Variants in FHAD1 observed in about 807,000 individuals in gnomAD.
FHAD1 encodes forkhead associated phosphopeptide binding domain 1, also known as forkhead-associated domain-containing protein 1.
A neutral mutation model predicts 191.3 loss-of-function variants in FHAD1; 146 were observed. The ratio of observed to expected loss-of-function variants is 0.76; its 90% CI spans 0.67 to 0.88. The LOEUF (loss-of-function observed/expected upper bound fraction) is 0.88. Ranked by LOEUF, FHAD1 falls within the 40% of genes least tolerant of loss-of-function variation. The pLI is 0.00. For synonymous variants in FHAD1, 616 were observed against 672.3 expected (o/e 0.92, Z 1.29); for missense variants, 1,635 against 1,785.8 (o/e 0.92, Z 1.52).
At chr1:15,250,565 T>G (rs1017168318) in intron 1 of FHAD1, among the ~76,000 whole-genome samples, 47 of 152,336 alleles carry the variant, frequency 3.1e-4, no homozygotes, top group African/African-American at 1.1e-3. Context: ...TGAGCTATAA[T>G]CTTGATATTT....
intron 5 of FHAD1, among the ~76,000 whole-genome samples, chr1:15,298,368 G>A (rs930023168): frequency 1.3e-5 from 2 of 152,158 alleles, no homozygotes; most frequent in South Asian, 2.1e-4. Context: ...TAGACTTTGG[G>A]GATTTAGGGA....
chr1:15,385,523 C>T (rs537128968), intron 31 of FHAD1, among the ~76,000 whole-genome samples: 6 of 152,310 alleles, frequency 3.9e-5, no homozygotes, highest in African/African-American at 1.4e-4. Flanking sequence ...GGGTAGCTCA[C>T]GTCTGTAATA....
intron 28 of FHAD1, among the ~76,000 whole-genome samples, chr1:15,377,418 C>G (rs1268041399): frequency 6.6e-6 from 1 of 152,184 alleles, no homozygotes; most frequent in Non-Finnish European, 1.5e-5. Context: ...ACAGACTGAC[C>G]CGCTCCCAAG....
chr1:15,302,845 C>G (rs1460903182), intron 6 of FHAD1, among the ~76,000 whole-genome samples: 1 of 152,250 alleles, frequency 6.6e-6, no homozygotes, highest in Non-Finnish European at 1.5e-5. Flanking sequence ...CCTGGGGCCT[C>G]TGTTCGCCGA....
chr1:15,334,925 C>T (rs546068197), intron 14 of FHAD1, among the ~76,000 whole-genome samples: 4 of 152,274 alleles, frequency 2.6e-5, no homozygotes, highest in East Asian at 1.9e-4. Context: ...CCTCGGGTCC[C>T]GGCTGCCAAG....
At chr1:15,261,565 G>A (rs1651074932) in intron 2 of FHAD1, among the ~76,000 whole-genome samples, 1 of 152,122 alleles carries the variant, frequency 6.6e-6, no homozygotes, top group Admixed American at 6.5e-5. Flanking sequence ...GGAGCTCTCA[G>A]AGATACCGCC....
At chr1:15,321,804 T>G (rs950909145) in intron 10 of FHAD1, among the ~76,000 whole-genome samples, 10 of 152,254 alleles carry the variant, frequency 6.6e-5, no homozygotes, top group African/African-American at 2.4e-4. Context: ...TGCACATGTG[T>G]GCATGCATGT....
downstream of FHAD1, among the ~76,000 whole-genome samples, chr1:15,399,481 G>T (rs137899789): frequency 6.6e-6 from 1 of 152,032 alleles, no homozygotes. Flanking sequence ...TGGGAGGATC[G>T]CTTGAGCCCA....
intron 32 of FHAD1, chr1:15,388,432 C>T: frequency 2.5e-6 from 3 of 1,182,866 alleles, no homozygotes; most frequent in Non-Finnish European, 3.2e-6. Flanking sequence ...GGTGAGAAGG[C>T]AGAGGGGATA....
intron 19 of FHAD1, among the ~76,000 whole-genome samples, chr1:15,350,865 T>C (rs751838775): frequency 6.6e-6 from 1 of 151,948 alleles, no homozygotes; most frequent in Non-Finnish European, 1.5e-5. Flanking sequence ...AACAAGCCCA[T>C]GAGGGAAGTG....
intron 14 of FHAD1, among the ~76,000 whole-genome samples, chr1:15,331,528 AT>A (rs1681504354): frequency 1.7e-5 from 2 of 116,056 alleles, no homozygotes; most frequent in African/African-American, 3.2e-5. Context: ...GGATGGATGG[AT>A]GAAAGGATGG....
intron 16 of FHAD1, among the ~76,000 whole-genome samples, chr1:15,344,719 C>G (rs1688171874): frequency 6.6e-6 from 1 of 152,204 alleles, no homozygotes; most frequent in South Asian, 2.1e-4. Flanking sequence ...AAGCCTGTTT[C>G]CTCCTCTGCA....
intron 12 of FHAD1, 133 bp from the exon 13 acceptor site, chr1:15,328,144 G>T: frequency 1.7e-6 from 1 of 595,486 alleles, no homozygotes. Flanking sequence ...GACATATCAG[G>T]ACCTCTGTCC....
intron 1 of FHAD1, among the ~76,000 whole-genome samples, chr1:15,248,155 C>T (rs1192877313): frequency 6.6e-6 from 1 of 151,692 alleles, no homozygotes; most frequent in Non-Finnish European, 1.5e-5. Flanking sequence ...TACTTTTAAG[C>T]ATTGTTTTGT....
intron 10 of FHAD1, among the ~76,000 whole-genome samples, chr1:15,320,313 C>T (rs1007174923): frequency 1.3e-5 from 2 of 152,148 alleles, no homozygotes; most frequent in East Asian, 3.9e-4. Context: ...GAGAAGAATA[C>T]GCATCCTGCA....
chr1:15,367,432 A>T lies in FHAD1; in HGVS notation c.3155-31A>T, dbSNP rs1570321455. 1.9e-6 allele frequency: 3 copies of T among 1,543,322 alleles called. No homozygotes were observed. The East Asian group carries it at 7.4e-5, about 38-fold the overall frequency. ...AATCACTTGAACCCGGGAGGCAGAGACCCCCTTACCGGCCCTCCTGTCACT... is the reference window on the plus strand; with the variant it reads ...AATCACTTGAACCCGGGAGGCAGAGTCCCCCTTACCGGCCCTCCTGTCACT... On this transcript the variant is annotated intron_variant, in intron 24 of 33. Coordinates refer to ENST00000688493, the MANE Select transcript of FHAD1 (RefSeq NM_001391957.1).
chr1:15,331,649 A>G (rs376545851), intron 14 of FHAD1, among the ~76,000 whole-genome samples: 7 of 148,658 alleles, frequency 4.7e-5, no homozygotes, highest in South Asian at 4.4e-4. Flanking sequence ...GAAGGCAGGA[A>G]GGAAGGCAGG....
intron 2 of FHAD1, among the ~76,000 whole-genome samples, chr1:15,267,117 C>T (rs563615706): frequency 6.6e-6 from 1 of 152,314 alleles, no homozygotes; most frequent in African/African-American, 2.4e-5. Context: ...TGAACAGATA[C>T]TTTGCCAAAG....
chr1:15,272,702 C>T (rs1292601383), intron 3 of FHAD1, among the ~76,000 whole-genome samples, 173 bp downstream of exon 3: 2 of 152,170 alleles, frequency 1.3e-5, no homozygotes, highest in South Asian at 2.1e-4. Flanking sequence ...TCTGGCGGGT[C>T]CCAGGAAGGA....
Sources: allele counts gnomAD v4.1 joint callset (sites outside exome capture counted in the v4.1 genomes callset), GRCh38; gene constraint gnomAD v4.1.1; transcripts MANE v1.5; gene names NCBI Gene and HGNC (gene_info 2026-07-23, HGNC 2026-07-21).